Variants in PIK3C2B observed in about 807,000 individuals in gnomAD.
The protein encoded by PIK3C2B is phosphatidylinositol 4-phosphate 3-kinase C2 domain-containing subunit beta.
PIK3C2B carries 83 observed loss-of-function variants against 184.3 expected under a neutral mutation model. The ratio of observed to expected loss-of-function variants is 0.45; its 90% CI spans 0.38 to 0.54. The LOEUF is 0.54. Among genes scored for constraint, PIK3C2B ranks in the 20% least tolerant of loss-of-function variants. The pLI, the probability that PIK3C2B is intolerant of heterozygous loss-of-function variation, is 0.00. For synonymous variants in PIK3C2B, 779 were observed against 837.6 expected (o/e 0.93, Z 1.21); for missense variants, 1,736 against 2,113.5 (o/e 0.82, Z 3.50).
At chr1:204,468,812 C>G in intron 2 of PIK3C2B, 58 bp downstream of exon 2, 1 of 1,416,590 alleles carries the variant, frequency 7.1e-7, no homozygotes, top group Non-Finnish European at 9.7e-7. Flanking sequence ...AGAGACTAGT[C>G]CCTGTTTCTG....
intron 3 of PIK3C2B, 38 bp downstream of exon 3, chr1:204,465,180 AT>A: frequency 1.4e-4 from 89 of 655,404 alleles, no homozygotes; most frequent in East Asian, 4.4e-4. Context: ...CCCATCCCCC[AT>A]AGCCCTCCCA....
At chr1:204,488,862 C>T (rs1336952008) in intron 1 of PIK3C2B, among the ~76,000 whole-genome samples, 1 of 152,160 alleles carries the variant, frequency 6.6e-6, no homozygotes, top group Non-Finnish European at 1.5e-5. Flanking sequence ...CACTAGTAAA[C>T]AATCAAGATG....
In PIK3C2B at chr1:204,455,906, C is replaced by G. The variant is rs1203133789; in HGVS notation, c.1893G>C (p.Leu631=). ...GGTGGGTGGCATAGACAGTGAAGGC[C>G]AGGGACCTGGCGAAATGGCAGGCCT... ...VQEACHFARS[L]AFTVYATHRI... The change falls in exon 11 of 33, where the codon CTG becomes CTC. Residue 631 remains leucine (L), a synonymous_variant. Coordinates refer to ENST00000684373, the MANE Select transcript of PIK3C2B (RefSeq NM_001377334.1). 6.2e-7 allele frequency: 1 copy of G among 1,614,044 alleles called. No homozygotes were observed. The highest frequency in any genetic ancestry group is 1.3e-5 in the African/African-American group (1 of 74,952).
In PIK3C2B at chr1:204,441,403, A is replaced by G. The variant is rs949143480; in HGVS notation, c.3249+68T>C. ...AAGAGAACCACCCAGGGGCTACTTA[A>G]TGCCACTCTAGGCTGCCTCCTTCTC... is the stretch of plus-strand genomic sequence containing the variant. On this transcript the variant is annotated intron_variant, in intron 21 of 32. Coordinates refer to ENST00000684373, the MANE Select transcript of PIK3C2B (RefSeq NM_001377334.1). The G allele has an allele frequency of 8.3e-6, 8 of 961,614 alleles. No individual in the cohort carries two copies. In the African/African-American group the frequency reaches 1.3e-4, roughly 15 times the overall value. The allele number at this position is 961,614 out of a possible 1,614,324, so 59.6% of individuals were successfully genotyped here.
In PIK3C2B at chr1:204,446,105, T is replaced by C. The variant is rs771124338; in HGVS notation, c.2529A>G (p.Arg843=). The change falls in exon 16 of 33, where the codon CGA becomes CGG. Residue 843 remains arginine, a synonymous_variant. Transcript: ENST00000684373. ...DADKKRLWEK[R]YYCHSEVSSL... is the part of the protein sequence containing the mutation. The stretch of plus-strand genomic sequence containing the variant: ...AGCTCACCTCCGAGTGGCAGTAATA[T>C]CGCTTCTCCCACAGGCGCTTCTTGT... The C allele has an allele frequency of 1.3e-6, 2 of 1,591,086 alleles. No homozygotes were observed. The highest frequency in any genetic ancestry group is 1.7e-6 in the Non-Finnish European group (2 of 1,166,132).
At chr1:204,452,288 CTTTTTTT>C (rs71145086) in intron 12 of PIK3C2B, among the ~76,000 whole-genome samples, 1 of 71,078 alleles carries the variant, frequency 1.4e-5, no homozygotes, top group African/African-American at 5.5e-5. Flanking sequence ...GTGCAGCACC[CTTTTTTT>C]TTTTTTTTTT....
Position 204,469,848 on chromosome 1 carries a change from A to G in PIK3C2B, c.-46T>C. ...GCAACAAAGTCTCTACTTCCTGCCA[A>G]CGTCAGTTCTGGAGGGTTGTGACAT... On this transcript the variant is annotated 5_prime_UTR_variant, in exon 2 of 33. Transcript: ENST00000684373. 7.3e-7 allele frequency: 1 copy of G among 1,367,090 alleles called. No individual in the cohort carries two copies. The highest frequency in any genetic ancestry group is 1.0e-6 in the Non-Finnish European group (1 of 958,042). 84.7% of individuals were successfully genotyped at this position (1,367,090 alleles called of 1,614,324 possible).
chr1:204,490,102 C>A (rs1657912006), intron 1 of PIK3C2B: 2 of 395,594 alleles, frequency 5.1e-6, no homozygotes, highest in South Asian at 2.9e-4. Context: ...GTGACACAGT[C>A]ATGATGGAAG....
intron 1 of PIK3C2B, among the ~76,000 whole-genome samples, chr1:204,494,093 G>A (rs1658202869): frequency 6.6e-6 from 1 of 151,886 alleles, no homozygotes; most frequent in South Asian, 2.1e-4. Flanking sequence ...TGGGGACGCG[G>A]GTGCCTGGAG....
chr1:204,437,339 A>T (rs1281892307), intron 23 of PIK3C2B, among the ~76,000 whole-genome samples: 1 of 152,148 alleles, frequency 6.6e-6, no homozygotes, highest in Non-Finnish European at 1.5e-5. Flanking sequence ...TACTAAAAAT[A>T]TGAAAATTCG....
At chr1:204,442,776 A>G in intron 19 of PIK3C2B, 143 bp from the exon 20 acceptor site, 4 of 605,690 alleles carry the variant, frequency 6.6e-6, no homozygotes, top group Non-Finnish European at 8.9e-6. Context: ...GAAGATCCTT[A>G]AGGAGGAGGA....
intron 12 of PIK3C2B, among the ~76,000 whole-genome samples, chr1:204,452,634 A>G (rs1029546395): frequency 2.1e-5 from 3 of 145,810 alleles, no homozygotes; most frequent in African/African-American, 7.6e-5. Context: ...GAGGACCTTT[A>G]ATGCACACCC....
At chr1:204,463,906 G>T in intron 5 of PIK3C2B, 106 bp downstream of exon 5, 4 of 1,142,942 alleles carry the variant, frequency 3.5e-6, no homozygotes, top group Non-Finnish European at 5.1e-6. Context: ...TCTTGACTGT[G>T]GGATTGGGGC....
rs542000969 is a variant in PIK3C2B, at chr1:204,423,953, C to T, written c.*899G>A. On this transcript the variant is annotated 3_prime_UTR_variant, in exon 33 of 33. Coordinates refer to ENST00000684373, the MANE Select transcript of PIK3C2B (RefSeq NM_001377334.1). ...GAAGGGAGAGACCTATGGGGAAGCA[C>T]CCCCAGCATATTCATAGAGACCAGC... 4 of 152,544 alleles carry T rather than the reference C, an allele frequency of 2.6e-5. No individual in the cohort carries two copies. The highest frequency in any genetic ancestry group is 9.7e-5 in the African/African-American group (4 of 41,348). The allele number at this position is 152,544 out of a possible 1,614,324, so 9.4% of individuals were successfully genotyped here.
At chr1:204,491,937 T>C (rs1056659045) in intron 1 of PIK3C2B, among the ~76,000 whole-genome samples, 1 of 152,212 alleles carries the variant, frequency 6.6e-6, no homozygotes, top group Non-Finnish European at 1.5e-5. Context: ...TCATGAGGCA[T>C]CCTTTCCTTC....
intron 11 of PIK3C2B, among the ~76,000 whole-genome samples, chr1:204,455,629 C>T (rs1654785161): frequency 6.6e-6 from 1 of 152,166 alleles, no homozygotes; most frequent in Non-Finnish European, 1.5e-5. Context: ...GAGGGAATAA[C>T]AGGATCTTCT....
chr1:204,431,888 G>C, intron 27 of PIK3C2B, 95 bp from the exon 28 acceptor site: 1 of 1,372,432 alleles, frequency 7.3e-7, no homozygotes, highest in South Asian at 1.2e-5. Context: ...TGTGCTGAGG[G>C]GAGGGGCACA....
chr1:204,477,819 G>A (rs556856865), intron 1 of PIK3C2B, among the ~76,000 whole-genome samples: 1 of 152,336 alleles, frequency 6.6e-6, no homozygotes, highest in Non-Finnish European at 1.5e-5. Flanking sequence ...GCCAGGCCAG[G>A]CACATACATA....
intron 5 of PIK3C2B, among the ~76,000 whole-genome samples, chr1:204,463,590 C>T (rs905483406): frequency 6.6e-6 from 1 of 152,084 alleles, no homozygotes; most frequent in South Asian, 2.1e-4. Flanking sequence ...GTAATTTCTC[C>T]CCTGGGCTCC....
Sources: gnomAD v4.1 joint callset for allele counts (sites outside exome capture counted in the v4.1 genomes callset) on GRCh38, gnomAD v4.1.1 for gene constraint, MANE v1.5 for transcripts, NCBI Gene and HGNC (gene_info 2026-07-23, HGNC 2026-07-21) for gene names.